Variants in MCUB observed in about 807,000 individuals in gnomAD.
The protein encoded by MCUB is calcium uniporter regulatory subunit MCUb, mitochondrial.
In MCUB, 46 loss-of-function variants were observed where a neutral mutation model predicts 41.4. The observed-to-expected ratio is 1.11, with a 90% CI of 0.88 to 1.42. The LOEUF is 1.42. MCUB is among the 40% of genes most tolerant of loss of function. MCUB has a pLI of 0.00. For synonymous variants in MCUB, 148 were observed against 148.2 expected (o/e 1.00, Z 0.01); for missense variants, 403 against 404.9 (o/e 1.00, Z 0.04).
At chr4:109,568,771 G>A (rs534405756) in intron 1 of MCUB, among the ~76,000 whole-genome samples, 2 of 152,250 alleles carry the variant, frequency 1.3e-5, no homozygotes, top group South Asian at 4.2e-4. Context: ...ATCTGTGGTC[G>A]GAACTGTTTC....
intron 1 of MCUB, among the ~76,000 whole-genome samples, chr4:109,610,985 A>T (rs1213598566): frequency 6.6e-6 from 1 of 152,138 alleles, no homozygotes; most frequent in East Asian, 1.9e-4. Flanking sequence ...GGCAGGTTTC[A>T]CCCCATAGAA....
intron 4 of MCUB, among the ~76,000 whole-genome samples, chr4:109,673,265 T>G (rs1043358860): frequency 6.6e-5 from 10 of 152,254 alleles, no homozygotes; most frequent in Non-Finnish European, 1.2e-4. Context: ...TGGAAATAGA[T>G]GTTTACAGGC....
chr4:109,612,578 G>T (rs1728036047), intron 1 of MCUB, among the ~76,000 whole-genome samples: 1 of 151,886 alleles, frequency 6.6e-6, no homozygotes, highest in African/African-American at 2.4e-5. Flanking sequence ...CTCCTCTTAA[G>T]GGCCACTAAT....
Position 109,618,952 on chromosome 4 carries a change from T to TTCTCTCTCTCTCTC in MCUB, c.100-40035_100-40022dup, listed in dbSNP as rs10557098. Among the ~76,000 whole-genome samples, 322 of 127,732 alleles carry TTCTCTCTCTCTCTC rather than the reference T, an allele frequency of 2.5e-3. 2 individuals carry two copies. The highest frequency in any genetic ancestry group is 7.7e-3 in the Middle Eastern group (2 of 260). 83.8% of individuals were successfully genotyped at this position (127,732 alleles called of 152,430 possible). On this transcript the variant is annotated intron_variant, in intron 1 of 7. Coordinates refer to ENST00000394650, the MANE Select transcript of MCUB (RefSeq NM_017918.5). The stretch of plus-strand genomic sequence containing the variant: ...TCAAGTTCATTATTGAACATTAAAC[T>TTCTCTCTCTCTCTC]TCTCTCTCTCTCTCTCTCTCTCTCT...
intron 1 of MCUB, among the ~76,000 whole-genome samples, chr4:109,630,231 T>G (rs376729445): frequency 3.0e-4 from 46 of 152,174 alleles, no homozygotes; most frequent in African/African-American, 1.0e-3. Context: ...GAGGCTGAAG[T>G]GGGAGCATCA....
chr4:109,684,597 CA>C lies in MCUB; in HGVS notation c.768del (p.Phe257LeufsTer12). 6.3e-7 allele frequency: 1 copy of C among 1,599,126 alleles called. No homozygotes were observed. The highest frequency in any genetic ancestry group is 8.6e-7 in the Non-Finnish European group (1 of 1,166,480). On this transcript the variant is annotated frameshift_variant, in exon 6 of 8. Coordinates refer to ENST00000394650, the MANE Select transcript of MCUB (RefSeq NM_017918.5). LOFTEE classifies it high-confidence loss of function. ...ATGGAGCCAGTTACATACTTCATCA[CA>C]TTTGCAAATTCTATGGTCTTTTTTG... ...DIMEPVTYFI[T>X]FANSMVFFAY...
chr4:109,674,229 G>A (rs1729523631), intron 4 of MCUB: 10 of 733,406 alleles, frequency 1.4e-5, no homozygotes, highest in Non-Finnish European at 2.0e-5. Flanking sequence ...GGGTTTAGAT[G>A]GTAACATGGC....
chr4:109,665,964 A>C (rs995126099), intron 4 of MCUB, among the ~76,000 whole-genome samples: 14 of 151,910 alleles, frequency 9.2e-5, no homozygotes, highest in Non-Finnish European at 1.8e-4. Context: ...GAAAAAAAGA[A>C]AGGCAAGAGG....
At chr4:109,591,146 T>C (rs1339470265) in intron 1 of MCUB, among the ~76,000 whole-genome samples, 1 of 152,112 alleles carries the variant, frequency 6.6e-6, no homozygotes, top group Non-Finnish European at 1.5e-5. Flanking sequence ...TGTTCTCTCC[T>C]TTTCACCATC....
intron 1 of MCUB, among the ~76,000 whole-genome samples, chr4:109,563,494 A>G (rs1726690132): frequency 6.6e-6 from 1 of 152,194 alleles, no homozygotes; most frequent in South Asian, 2.1e-4. Flanking sequence ...CTATTCTATA[A>G]AACTAACTTC....
Position 109,660,239 on chromosome 4 carries a change from A to C in MCUB, c.220A>C (p.Thr74Pro), listed in dbSNP as rs773582703. Reference sequence around the variant, plus strand: ...ACATGGCCTTCCCTTGGTAACACTTACCTTGCCATCTAGAAAAGAACGTTG... The same window carrying C: ...ACATGGCCTTCCCTTGGTAACACTTCCCTTGCCATCTAGAAAAGAACGTTG... ...YRHGLPLVTL[T>P]LPSRKERCQF... is the part of the protein sequence containing the mutation. Residue 74 changes from threonine to proline, a missense_variant, in exon 3 of 8, where the codon ACC becomes CCC. Coordinates refer to ENST00000394650, the MANE Select transcript of MCUB (RefSeq NM_017918.5). 6.2e-7 allele frequency: 1 copy of C among 1,601,860 alleles called. No homozygotes were observed. The highest frequency in any genetic ancestry group is 1.1e-5 in the South Asian group (1 of 90,470).
chr4:109,631,423 G>C (rs373328690), intron 1 of MCUB, among the ~76,000 whole-genome samples: 1 of 152,042 alleles, frequency 6.6e-6, no homozygotes, highest in African/African-American at 2.4e-5. Flanking sequence ...CCTTCACATA[G>C]CTCTTTTTTA....
chr4:109,678,900 G>T (rs1435850505), intron 4 of MCUB, among the ~76,000 whole-genome samples: 1 of 147,590 alleles, frequency 6.8e-6, no homozygotes, highest in Non-Finnish European at 1.5e-5. Flanking sequence ...CCCAGACGGG[G>T]TGGCGGCCGG....
chr4:109,599,220 T>C (rs988249075), intron 1 of MCUB, among the ~76,000 whole-genome samples: 1 of 152,142 alleles, frequency 6.6e-6, no homozygotes, highest in African/African-American at 2.4e-5. Flanking sequence ...TTTGCTTAGG[T>C]TTGAATATCA....
At chr4:109,682,772 G>T (rs1333528956) in intron 5 of MCUB, 30 bp downstream of exon 5, 1 of 1,554,392 alleles carries the variant, frequency 6.4e-7, no homozygotes, top group South Asian at 1.2e-5. Context: ...GAGTATATTT[G>T]AAAATAATAC....
At chr4:109,617,406 T>C (rs1295824972) in intron 1 of MCUB, among the ~76,000 whole-genome samples, 2 of 152,158 alleles carry the variant, frequency 1.3e-5, no homozygotes, top group East Asian at 3.9e-4. Context: ...CATTTCCACA[T>C]TTAGTGTGTC....
intron 1 of MCUB, among the ~76,000 whole-genome samples, chr4:109,612,929 ATC>A: frequency 6.6e-6 from 1 of 152,074 alleles, no homozygotes; most frequent in Non-Finnish European, 1.5e-5. Context: ...ACACGGTGAA[ATC>A]CCGTCTCTAC....
intron 1 of MCUB, among the ~76,000 whole-genome samples, chr4:109,578,182 C>A (rs1332038585): frequency 6.6e-6 from 1 of 152,078 alleles, no homozygotes; most frequent in Non-Finnish European, 1.5e-5. Flanking sequence ...TCTCTCTTCC[C>A]CCCACACACA....
Position 109,687,795 on chromosome 4 carries a change from C to A in MCUB, c.*203C>A, listed in dbSNP as rs147996427. On this transcript the variant is annotated 3_prime_UTR_variant, in exon 8 of 8. Transcript: ENST00000394650. Reference sequence around the variant, plus strand: ...GCTAATGTTAGAAAGGGCTTGTATGCGTCTATCAAAGCAACGGTGGCTGCT... The same window carrying A: ...GCTAATGTTAGAAAGGGCTTGTATGAGTCTATCAAAGCAACGGTGGCTGCT... 3 of 546,076 alleles carry A rather than the reference C, an allele frequency of 5.5e-6. No homozygotes were observed. Among genetic ancestry groups the A allele is most frequent in the Non-Finnish European group, 9.6e-6 (3 of 312,154 alleles). The allele number at this position is 546,076 out of a possible 1,614,324, so 33.8% of individuals were successfully genotyped here.
Sources: allele counts gnomAD v4.1 joint callset (sites outside exome capture counted in the v4.1 genomes callset), GRCh38; gene constraint gnomAD v4.1.1; transcripts MANE v1.5; gene names NCBI Gene and HGNC (gene_info 2026-07-23, HGNC 2026-07-21).